The following SDK1 variants were observed in gnomAD, a reference collection of about 807,000 sequenced individuals.
The protein encoded by SDK1 is sidekick cell adhesion molecule 1, also known as protein sidekick-1.
Under a neutral mutation model 245.5 loss-of-function variants are expected in SDK1, and 157 were observed. That is an observed-to-expected ratio of 0.64 (90% confidence interval 0.56 to 0.73). SDK1 has a LOEUF of 0.73. Among genes scored for constraint, SDK1 ranks in the 30% least tolerant of loss-of-function variants. The probability of loss-of-function intolerance (pLI) is 0.00; values close to 1 mark genes in which losing one functional copy is unlikely to be tolerated. For missense variants in SDK1, 3,583 were observed against 3,002.3 expected, an observed-to-expected ratio of 1.19 and a Z score of -4.52; for synonymous variants, 1,647 against 1,278.5, an observed-to-expected ratio of 1.29 and a Z score of -6.15.
At chr7:3,883,157 C>G (rs895898978) in intron 5 of SDK1, among the ~76,000 whole-genome samples, 1 of 152,182 alleles carries the variant, frequency 6.6e-6, no homozygotes, top group Admixed American at 6.5e-5. Context: ...GCAGGAGATT[C>G]ACGGGGTGGC....
intron 44 of SDK1, among the ~76,000 whole-genome samples, chr7:4,252,390 T>C (rs935951380): frequency 6.6e-5 from 10 of 152,188 alleles, no homozygotes; most frequent in Non-Finnish European, 1.0e-4. Context: ...CATGAATTCA[T>C]CATTTTTTAT....
intron 1 of SDK1, among the ~76,000 whole-genome samples, chr7:3,610,286 C>G (rs1283630185): frequency 2.0e-5 from 3 of 152,142 alleles, no homozygotes; most frequent in Non-Finnish European, 2.9e-5. Context: ...ATTTGAGATT[C>G]TTTTCTTGGA....
chr7:3,737,954 G>A (rs1209731873), intron 4 of SDK1, among the ~76,000 whole-genome samples: 2 of 152,196 alleles, frequency 1.3e-5, no homozygotes, highest in African/African-American at 2.4e-5. Flanking sequence ...GGTCCAAGGG[G>A]TTGGTTCTGC....
chr7:3,448,104 T>C (rs1780399522), intron 1 of SDK1, among the ~76,000 whole-genome samples: 1 of 152,218 alleles, frequency 6.6e-6, no homozygotes, highest in Non-Finnish European at 1.5e-5. Flanking sequence ...TAACATTGTA[T>C]AGATATTAGT....
intron 1 of SDK1, among the ~76,000 whole-genome samples, chr7:3,407,432 C>T (rs1779083796): frequency 6.6e-6 from 1 of 152,108 alleles, no homozygotes; most frequent in African/African-American, 2.4e-5. Flanking sequence ...GGTGACAGTG[C>T]CTTGGTTGAC....
chr7:3,769,203 T>G (rs1392286043), intron 4 of SDK1, among the ~76,000 whole-genome samples: 2 of 152,192 alleles, frequency 1.3e-5, no homozygotes, highest in Non-Finnish European at 2.9e-5. Context: ...TCCTGTTGCT[T>G]AGAATACCTG....
chr7:3,324,397 A>T (rs1015150998), intron 1 of SDK1, among the ~76,000 whole-genome samples: 1 of 152,144 alleles, frequency 6.6e-6, no homozygotes, highest in Non-Finnish European at 1.5e-5. Flanking sequence ...TAGCTCCCTT[A>T]AAGGCAGTTT....
At chr7:3,662,146 A>G (rs560297023) in intron 4 of SDK1, among the ~76,000 whole-genome samples, 18 of 151,460 alleles carry the variant, frequency 1.2e-4, no homozygotes, top group African/African-American at 4.1e-4. Context: ...AGGCACAACA[A>G]TTATTTTCTT....
At chr7:3,338,360 T>A (rs1027730296) in intron 1 of SDK1, 22 of 512,566 alleles carry the variant, frequency 4.3e-5, no homozygotes, top group Admixed American at 2.8e-4. Context: ...ACAAACAAGG[T>A]CAGGGCACGA....
chr7:4,004,176 C>T (rs894147319), intron 14 of SDK1, among the ~76,000 whole-genome samples: 4 of 152,212 alleles, frequency 2.6e-5, no homozygotes, highest in South Asian at 2.1e-4. Flanking sequence ...TGAGCTCCTA[C>T]TGTGTGTCAG....
rs1562770788 is a variant in SDK1 at position 4,074,909 on chromosome 7, TA to T, written c.3011-2088del. On this transcript the variant is annotated intron_variant, in intron 20 of 44. Coordinates refer to ENST00000404826, the MANE Select transcript of SDK1 (RefSeq NM_152744.4). ...CTGTATATATATATATATATATATA[TA>T]TATATATTTTTTTTTTTTTTTAATA... Among the ~76,000 whole-genome samples the T allele has an allele frequency of 2.6e-4, 23 of 87,502 alleles. 1 individual carries two copies. Among genetic ancestry groups the T allele is most frequent in the African/African-American group, 1.2e-3 (18 of 15,018 alleles). The allele number at this position is 87,502 out of a possible 152,430, so 57.4% of individuals were successfully genotyped here.
chr7:3,346,030 C>G (rs1043870492), intron 1 of SDK1, among the ~76,000 whole-genome samples: 1 of 152,164 alleles, frequency 6.6e-6, no homozygotes, highest in Non-Finnish European at 1.5e-5. Context: ...GGCACTTGTA[C>G]TCCTGGATAA....
chr7:3,658,672 A>G (rs1454303355), intron 4 of SDK1, among the ~76,000 whole-genome samples: 4 of 134,144 alleles, frequency 3.0e-5, no homozygotes, highest in African/African-American at 8.7e-5. Context: ...AGTGCAGTGG[A>G]TCGATCTCCA....
intron 1 of SDK1, among the ~76,000 whole-genome samples, chr7:3,426,605 C>G (rs150633973): frequency 6.6e-6 from 1 of 152,314 alleles, no homozygotes; most frequent in African/African-American, 2.4e-5. Context: ...TTAGCCTAGC[C>G]AGTCACCTGT....
At chr7:3,337,950 A>G (rs1298817645) in intron 1 of SDK1, 1 of 152,558 alleles carries the variant, frequency 6.6e-6, no homozygotes. Flanking sequence ...AAAGGACTGG[A>G]ATGGGCAAAT....
intron 2 of SDK1, among the ~76,000 whole-genome samples, chr7:3,626,345 C>A (rs368087717): frequency 6.6e-5 from 10 of 152,128 alleles, no homozygotes; most frequent in African/African-American, 1.9e-4. Context: ...TGAAAGAGTC[C>A]CTTCTAAGAA....
chr7:3,942,459 T>A (rs955126696), intron 5 of SDK1, among the ~76,000 whole-genome samples: 5 of 152,156 alleles, frequency 3.3e-5, no homozygotes. Context: ...TTTCTAACTG[T>A]TATCTTATCT....
chr7:3,576,771 C>T (rs189529886), intron 1 of SDK1, among the ~76,000 whole-genome samples: 2 of 151,932 alleles, frequency 1.3e-5, no homozygotes, highest in African/African-American at 2.4e-5. Flanking sequence ...GGAGCTTCAG[C>T]ATTTTGTTCC....
chr7:3,567,812 T>G (rs749407572), intron 1 of SDK1, among the ~76,000 whole-genome samples: 13 of 152,140 alleles, frequency 8.5e-5, no homozygotes, highest in Non-Finnish European at 1.6e-4. Flanking sequence ...TTATCTTTTA[T>G]TCATTTATTT....
Sources: allele counts gnomAD v4.1 joint callset (sites outside exome capture counted in the v4.1 genomes callset), GRCh38; gene constraint gnomAD v4.1.1; transcripts MANE v1.5; gene names NCBI Gene and HGNC (gene_info 2026-07-23, HGNC 2026-07-21).